SMYD3: variants seen among roughly 807,000 people sequenced by gnomAD.
SMYD3 encodes histone-lysine N-methyltransferase SMYD3.
In SMYD3, 36 loss-of-function variants were observed where a neutral mutation model predicts 57.7. The observed-to-expected ratio is 0.62, with a 90% CI of 0.48 to 0.82. The LOEUF (loss-of-function observed/expected upper bound fraction) is 0.82, where lower values mean the gene tolerates loss of function less well. Among genes scored for constraint, SMYD3 ranks in the 40% least tolerant of loss-of-function variants. SMYD3 has a pLI of 0.00. For synonymous variants in SMYD3, 211 were observed against 195.0 expected (o/e 1.08, Z -0.68); for missense variants, 515 against 538.8 (o/e 0.96, Z 0.44).
intron 5 of SMYD3, among the ~76,000 whole-genome samples, chr1:245,993,939 A>G (rs1216652322): frequency 6.6e-6 from 1 of 152,186 alleles, no homozygotes; most frequent in African/African-American, 2.4e-5. Context: ...AAGACATTAA[A>G]CTACAATATC....
intron 5 of SMYD3, among the ~76,000 whole-genome samples, chr1:246,197,656 T>C (rs1012805355): frequency 1.3e-5 from 2 of 152,168 alleles, no homozygotes; most frequent in Admixed American, 6.5e-5. Context: ...CGTGGTATCC[T>C]GTGTGGCATA....
At chr1:246,221,866 A>C (rs2063260506) in intron 5 of SMYD3, among the ~76,000 whole-genome samples, 1 of 152,206 alleles carries the variant, frequency 6.6e-6, no homozygotes, top group African/African-American at 2.4e-5. Flanking sequence ...AGCAGGTCCA[A>C]GCAAAACTCA....
chr1:246,195,134 C>T (rs752953945), intron 5 of SMYD3, among the ~76,000 whole-genome samples: 12 of 152,072 alleles, frequency 7.9e-5, no homozygotes, highest in Non-Finnish European at 1.5e-4. Flanking sequence ...TTGTAGTTGC[C>T]TGGAAATTTA....
chr1:246,151,242 T>A (rs532781018), intron 5 of SMYD3, among the ~76,000 whole-genome samples: 106 of 133,144 alleles, frequency 8.0e-4, no homozygotes, highest in Admixed American at 2.3e-3. Flanking sequence ...TAAGACTCTG[T>A]CTCAAAAAAA....
In SMYD3 at chr1:246,276,318, G is replaced by A. The variant is rs1420738568; in HGVS notation, c.531+50883C>T. 1.6e-5 allele frequency among the ~76,000 whole-genome samples: 2 copies of A among 123,906 alleles called. 1 individual carries two copies. The highest frequency in any genetic ancestry group is 3.4e-5 in the Non-Finnish European group (2 of 58,412). The allele number at this position is 123,906 out of a possible 152,430, so 81.3% of individuals were successfully genotyped here. On this transcript the variant is annotated intron_variant, in intron 5 of 11. Transcript: ENST00000490107. Reference sequence around the variant, plus strand: ...GGCAAGTTATTTAATGCCTCTAGTGGAGTCTGATGCCCATGTTTGAATACT... The same window carrying A: ...GGCAAGTTATTTAATGCCTCTAGTGAAGTCTGATGCCCATGTTTGAATACT...
At chr1:245,788,893 T>TG (rs1359297660) in intron 10 of SMYD3, 1 of 152,186 alleles carries the variant, frequency 6.6e-6, no homozygotes, top group Non-Finnish European at 1.5e-5. Context: ...ATGTGCCAAG[T>TG]GGTGCCAGTG....
At chr1:246,481,657 T>C (rs1436798550) in intron 1 of SMYD3, among the ~76,000 whole-genome samples, 4 of 125,370 alleles carry the variant, frequency 3.2e-5, no homozygotes, top group African/African-American at 1.2e-4. Flanking sequence ...TATGATCATA[T>C]ATATAATTAT....
intron 1 of SMYD3, among the ~76,000 whole-genome samples, chr1:246,411,573 G>C (rs2066969433): frequency 6.6e-6 from 1 of 152,024 alleles, no homozygotes; most frequent in African/African-American, 2.4e-5. Flanking sequence ...TTGGAACGAA[G>C]CCAAATGTCC....
In SMYD3 at chr1:245,969,857, G is replaced by C. The variant is rs146145144; in HGVS notation, c.532-39920C>G. Among the ~76,000 whole-genome samples the C allele has an allele frequency of 1.5e-3, 224 of 152,292 alleles. 6 individuals carry two copies. In the East Asian group the frequency reaches 0.039, roughly 26 times the overall value. On this transcript the variant is annotated intron_variant, in intron 5 of 11. Transcript: ENST00000490107. The stretch of plus-strand genomic sequence containing the variant: ...CTCTCTAAGTGTGTATAAAAACCAA[G>C]TGTCTCTAAAAAGTATTATTTTTGT...
At chr1:246,236,278 T>C (rs1396401158) in intron 5 of SMYD3, among the ~76,000 whole-genome samples, 2 of 152,188 alleles carry the variant, frequency 1.3e-5, no homozygotes, top group African/African-American at 4.8e-5. Flanking sequence ...TTGCCGAGGC[T>C]GGCATGCCGT....
chr1:246,092,669 T>C (rs375453735), intron 5 of SMYD3, among the ~76,000 whole-genome samples: 1 of 152,150 alleles, frequency 6.6e-6, no homozygotes, highest in South Asian at 2.1e-4. Flanking sequence ...GAAGAAAACA[T>C]TGGAGAAATG....
intron 1 of SMYD3, among the ~76,000 whole-genome samples, chr1:246,400,032 ATC>A (rs1326708524): frequency 6.6e-6 from 1 of 152,200 alleles, no homozygotes; most frequent in African/African-American, 2.4e-5. Flanking sequence ...TAAAATTTTC[ATC>A]TTTCTCTGTT....
At chr1:245,801,590 T>G (rs1267137834) in intron 10 of SMYD3, among the ~76,000 whole-genome samples, 2 of 152,196 alleles carry the variant, frequency 1.3e-5, no homozygotes, top group South Asian at 4.1e-4. Flanking sequence ...TCTCCATTTC[T>G]TCATCTATAA....
chr1:246,040,855 A>C (rs1028609511), intron 5 of SMYD3, among the ~76,000 whole-genome samples: 2 of 152,196 alleles, frequency 1.3e-5, no homozygotes, highest in Non-Finnish European at 2.9e-5. Context: ...AAAATATCGC[A>C]CAAATAGCAA....
intron 1 of SMYD3, among the ~76,000 whole-genome samples, chr1:246,397,938 AAGAGG>A (rs2066700952): frequency 6.7e-6 from 1 of 149,752 alleles, no homozygotes; most frequent in Non-Finnish European, 1.5e-5. Context: ...AAGAAAAGAA[AAGAGG>A]AGAGGGGAGG....
chr1:246,347,071 G>A (rs185690036), intron 2 of SMYD3, among the ~76,000 whole-genome samples: 42 of 152,010 alleles, frequency 2.8e-4, no homozygotes, highest in Non-Finnish European at 5.4e-4. Flanking sequence ...GACGTAGCTG[G>A]AGAGAAGAAT....
intron 1 of SMYD3, among the ~76,000 whole-genome samples, chr1:246,456,596 TTCTG>T (rs2067702985): frequency 6.6e-6 from 1 of 152,260 alleles, no homozygotes; most frequent in African/African-American, 2.4e-5. Context: ...TTCCACAGTA[TTCTG>T]TCTATGCCTC....
At chr1:245,809,307 C>T (rs1266668065) in intron 10 of SMYD3, among the ~76,000 whole-genome samples, 2 of 152,190 alleles carry the variant, frequency 1.3e-5, no homozygotes, top group Non-Finnish European at 2.9e-5. Context: ...TTCCTTTCTC[C>T]AACCCTCTGT....
At chr1:245,786,655 A>G (rs2047059331) in intron 10 of SMYD3, among the ~76,000 whole-genome samples, 1 of 151,976 alleles carries the variant, frequency 6.6e-6, no homozygotes, top group African/African-American at 2.4e-5. Flanking sequence ...GCAGCCCAGC[A>G]TCACCCGTCC....
Sources: allele counts gnomAD v4.1 joint callset (sites outside exome capture counted in the v4.1 genomes callset), GRCh38; gene constraint gnomAD v4.1.1; transcripts MANE v1.5; gene names NCBI Gene and HGNC (gene_info 2026-07-23, HGNC 2026-07-21).